Variants in CTSE observed in about 807,000 individuals in gnomAD.
The protein encoded by CTSE is cathepsin E.
CTSE carries 43 observed loss-of-function variants against 42.8 expected under a neutral mutation model. The observed-to-expected ratio is 1.01, with a 90% confidence interval of 0.79 to 1.30. The LOEUF (loss-of-function observed/expected upper bound fraction) is 1.30, where lower values mean the gene tolerates loss of function less well. Among genes scored for constraint, CTSE ranks in the 50% most tolerant of loss-of-function variants. The probability of loss-of-function intolerance (pLI) is 0.00; values close to 1 mark genes in which losing one functional copy is unlikely to be tolerated. For missense variants in CTSE, 532 were observed against 493.5 expected (o/e 1.08, Z -0.74); for synonymous variants, 205 against 191.5 (o/e 1.07, Z -0.58).
intron 6 of CTSE, among the ~76,000 whole-genome samples, chr1:206,013,049 T>C (rs917042347): frequency 2.0e-5 from 3 of 152,112 alleles, no homozygotes; most frequent in South Asian, 2.1e-4. Flanking sequence ...ATTCCTACAG[T>C]TTGAAAAACT....
chr1:206,019,165 A>G (rs1553278024), intron 4 of CTSE, among the ~76,000 whole-genome samples: 1 of 152,112 alleles, frequency 6.6e-6, no homozygotes. Flanking sequence ...GATTATAGAT[A>G]TAGCTATAAT....
intron 2 of CTSE, 61 bp downstream of exon 2, chr1:206,022,840 C>A: frequency 6.8e-7 from 1 of 1,471,406 alleles, no homozygotes; most frequent in South Asian, 1.3e-5. Flanking sequence ...TGGCCATGCC[C>A]TAATGCTGGG....
At chr1:206,021,025 A>G (rs782548731) in intron 4 of CTSE, 24 bp downstream of exon 4, 8 of 1,526,552 alleles carry the variant, frequency 5.2e-6, no homozygotes, top group Non-Finnish European at 6.4e-6. Flanking sequence ...TCCAAGAGAG[A>G]AAAAATGAAG....
intron 3 of CTSE, 193 bp from the exon 4 acceptor site, chr1:206,021,360 C>T: frequency 1.7e-6 from 1 of 582,304 alleles, no homozygotes; most frequent in South Asian, 2.1e-5. Context: ...TGTGGCCTAA[C>T]TGGGGACCAA....
Position 206,010,457 on chromosome 1 carries a change from G to A in CTSE, c.1027-110C>T, listed in dbSNP as rs1306642400. On this transcript the variant is annotated intron_variant, in intron 8 of 8. Coordinates refer to ENST00000358184, the MANE Select transcript of CTSE (RefSeq NM_001910.4). Reference sequence around the variant, plus strand: ...GGCTGGCACTGGGTGGCCTTGGACAGCTGGTGGGTTCCACCATTTTGGTCG... The same window carrying A: ...GGCTGGCACTGGGTGGCCTTGGACAACTGGTGGGTTCCACCATTTTGGTCG... 13 of 909,984 alleles carry A rather than the reference G, an allele frequency of 1.4e-5. No individual in the cohort carries two copies. In the Admixed American group the frequency reaches 1.6e-4, roughly 11 times the overall value. 56.4% of individuals were successfully genotyped at this position (909,984 alleles called of 1,614,324 possible). A position where few individuals can be genotyped will look rare whatever the true frequency, so the allele number is the denominator to read the frequency against.
rs369578313 is a variant in CTSE at position 206,010,224 on chromosome 1, G to A, written c.1150C>T (p.Arg384Cys). ...GCCAGTCCCACACGGTTATTCCCAC[G>A]GTCAAAGACTGAGTAAAACTGTCGA... is the stretch of plus-strand genomic sequence containing the variant. Reference protein sequence around the residue: ...FIRQFYSVFDRGNNRVGLAPA... With the variant: ...FIRQFYSVFDCGNNRVGLAPA... Residue 384 changes from arginine (R) to cysteine (C), a missense_variant, in exon 9 of 9, where the codon CGT becomes TGT. Arg to Cys is a radical substitution (Grantham distance 180). Coordinates refer to ENST00000358184, the MANE Select transcript of CTSE (RefSeq NM_001910.4). 25 of 1,613,604 alleles carry A rather than the reference G, an allele frequency of 1.5e-5. 1 individual carries two copies. Among genetic ancestry groups the A allele is most frequent in the Non-Finnish European group, 2.0e-5 (24 of 1,179,804 alleles).
rs1457705427 is a variant in CTSE, at chr1:206,022,025, T to C, written c.343+125A>G. 4 of 602,850 alleles carry C rather than the reference T, an allele frequency of 6.6e-6. No individual in the cohort carries two copies. In the Admixed American group the frequency reaches 1.3e-4, roughly 19 times the overall value. 37.3% of individuals were successfully genotyped at this position (602,850 alleles called of 1,614,324 possible). Reference sequence around the variant, plus strand: ...CCACGGCTGACTCAAAGATGGAGAGTGGAAGCTGGTGTGGCAGGGATGGCC... The same window carrying C: ...CCACGGCTGACTCAAAGATGGAGAGCGGAAGCTGGTGTGGCAGGGATGGCC... On this transcript the variant is annotated intron_variant, in intron 3 of 8. Coordinates refer to ENST00000358184, the MANE Select transcript of CTSE (RefSeq NM_001910.4).
chr1:206,021,761 A>G (rs201989466), intron 3 of CTSE, among the ~76,000 whole-genome samples: 2 of 151,828 alleles, frequency 1.3e-5, no homozygotes, highest in East Asian at 3.9e-4. Flanking sequence ...GCCTCCTTGA[A>G]ACAAGCAGAC....
At position 206,016,146 on chromosome 1, in the gene CTSE, C is replaced by T; in HGVS notation, c.463-16G>A. The T allele has an allele frequency of 6.2e-7, 1 of 1,611,640 alleles. No individual in the cohort carries two copies. The highest frequency in any genetic ancestry group is 8.5e-7 in the Non-Finnish European group (1 of 1,178,098). On this transcript the variant is annotated splice_polypyrimidine_tract_variant and intron_variant, in intron 4 of 8. Transcript: ENST00000358184. ...GTCCTTCCACCTGGTAGGAGAAAGC[C>T]CACAGGAGAACAGGAGAATGGCACA...
At chr1:206,012,938 C>T (rs1005168545) in intron 6 of CTSE, among the ~76,000 whole-genome samples, 1 of 152,062 alleles carries the variant, frequency 6.6e-6, no homozygotes, top group Non-Finnish European at 1.5e-5. Flanking sequence ...TTGTGATCCA[C>T]CTGCCTCGGC....
At chr1:206,011,010 G>A (rs550488502) in intron 8 of CTSE, among the ~76,000 whole-genome samples, 2 of 152,144 alleles carry the variant, frequency 1.3e-5, no homozygotes, top group East Asian at 3.9e-4. Context: ...AGGGCTCAGG[G>A]AGACTTCTTG....
At position 206,012,657 on chromosome 1, in the gene CTSE, G is replaced by C; in HGVS notation, c.786-8C>G. On this transcript the variant is annotated splice_region_variant and splice_polypyrimidine_tract_variant and intron_variant, in intron 6 of 8. Coordinates refer to ENST00000358184, the MANE Select transcript of CTSE (RefSeq NM_001910.4). Reference sequence around the variant, plus strand: ...GTGCCTCCCACCTGGATGCTGAGGGGACAGGGTTGTGGTCGGCCCACCTTC... The same window carrying C: ...GTGCCTCCCACCTGGATGCTGAGGGCACAGGGTTGTGGTCGGCCCACCTTC... The C allele has an allele frequency of 6.2e-7, 1 of 1,612,968 alleles. No individual in the cohort carries two copies. Among genetic ancestry groups the C allele is most frequent in the African/African-American group, 1.3e-5 (1 of 75,016 alleles).
chr1:206,017,277 A>C (rs781933367), intron 4 of CTSE, among the ~76,000 whole-genome samples: 4 of 152,038 alleles, frequency 2.6e-5, no homozygotes, highest in East Asian at 3.8e-4. Flanking sequence ...TGAAAATCTG[A>C]AACTGAAGTG....
At chr1:206,023,433 G>T (rs539453080) in intron 1 of CTSE, among the ~76,000 whole-genome samples, 4 of 151,884 alleles carry the variant, frequency 2.6e-5, no homozygotes, top group African/African-American at 9.7e-5. Context: ...GTCCTGGGGC[G>T]CTTTGAGCTA....
chr1:206,018,706 T>C (rs531814669), intron 4 of CTSE, among the ~76,000 whole-genome samples: 1 of 152,196 alleles, frequency 6.6e-6, no homozygotes, highest in African/African-American at 2.4e-5. Flanking sequence ...AAAATTATTC[T>C]TGATAACTTT....
rs73074827 is a variant in CTSE at position 206,015,858 on chromosome 1, G to A, written c.662+73C>T. On this transcript the variant is annotated intron_variant, in intron 5 of 8. Transcript: ENST00000358184. ...GCTACCTAAACCAGGTCTTTTGACT[G>A]CTAAGTCAAGTGTATGTGTTGTCTC... is the stretch of plus-strand genomic sequence containing the variant. 6.9e-3 allele frequency: 9,684 copies of A among 1,398,522 alleles called. 341 individuals are homozygous for A. The African/African-American group carries it at 0.092, about 13-fold the overall frequency. 86.6% of individuals were successfully genotyped at this position (1,398,522 alleles called of 1,614,324 possible).
intron 2 of CTSE, 42 bp from the exon 3 acceptor site, chr1:206,022,309 G>A (rs782766055): frequency 1.4e-6 from 2 of 1,440,038 alleles, no homozygotes; most frequent in African/African-American, 2.8e-5. Flanking sequence ...TGGGTGGTGG[G>A]GAGGGACAAG....
intron 3 of CTSE, 74 bp from the exon 4 acceptor site, chr1:206,021,241 CCCACA>C: frequency 1.7e-6 from 2 of 1,182,504 alleles, no homozygotes; most frequent in South Asian, 1.3e-5. Context: ...GCCACCCAGC[CCCACA>C]GCGGCAGGGT....
At chr1:206,023,142 C>CTT in intron 1 of CTSE, 85 bp from the exon 2 acceptor site, 1 of 612,324 alleles carries the variant, frequency 1.6e-6, no homozygotes, top group East Asian at 5.6e-5. Context: ...CAGGGGCCAA[C>CTT]TAGAGAAGAT....
Sources: gnomAD v4.1 joint callset for allele counts (sites outside exome capture counted in the v4.1 genomes callset) on GRCh38, gnomAD v4.1.1 for gene constraint, MANE v1.5 for transcripts, NCBI Gene and HGNC (gene_info 2026-07-23, HGNC 2026-07-21) for gene names.